CALML4: variants seen among roughly 807,000 people sequenced by gnomAD.
CALML4 encodes the protein calmodulin-like protein 4.
Under a neutral mutation model 17.9 loss-of-function variants are expected in CALML4, and 16 were observed. The observed-to-expected ratio is 0.89, with a 90% CI of 0.61 to 1.36. The LOEUF is 1.36. Ranked by LOEUF, CALML4 falls within the 40% of genes most tolerant of loss-of-function variation. The pLI, the probability that CALML4 is intolerant of heterozygous loss-of-function variation, is 0.00. For synonymous variants in CALML4, 86 were observed against 71.5 expected (o/e 1.20, Z -1.02); for missense variants, 203 against 194.8 (o/e 1.04, Z -0.25).
At chr15:68,195,377 T>C (rs2093139832) in intron 4 of CALML4, among the ~76,000 whole-genome samples, 1 of 152,246 alleles carries the variant, frequency 6.6e-6, no homozygotes, top group South Asian at 2.1e-4. Flanking sequence ...ATTGGGAGAA[T>C]GTTGAGGACA....
At chr15:68,203,182 T>A (rs1352829885) in intron 2 of CALML4, among the ~76,000 whole-genome samples, 1 of 152,166 alleles carries the variant, frequency 6.6e-6, no homozygotes, top group African/African-American at 2.4e-5. Context: ...ACCCCTGACA[T>A]CAGGTGATCC....
At chr15:68,205,414 C>T, upstream of CALML4, 1 of 1,612,126 alleles carries the variant, frequency 6.2e-7, no homozygotes, top group Non-Finnish European at 8.5e-7. The surrounding 1 kb of genome is among the most constrained non-coding windows in gnomAD (Gnocchi z 4.8). Context: ...CAGATTCCAG[C>T]TTCCTGAGCA....
chr15:68,191,388 A>G lies in CALML4; in HGVS notation c.*2627T>C, dbSNP rs1348937071. On this transcript the variant is annotated 3_prime_UTR_variant, in exon 5 of 5. Coordinates refer to ENST00000467889, the MANE Select transcript of CALML4 (RefSeq NM_033429.3). ...AAAATATTTATTACATGCATTGGAA[A>G]AAAATTGTTTACCTATTGAATGTTA... The G allele has an allele frequency of 1.3e-5, 2 of 152,678 alleles. No homozygotes were observed. The highest frequency in any genetic ancestry group is 2.9e-5 in the Non-Finnish European group (2 of 68,048). The allele number at this position is 152,678 out of a possible 1,614,324, so 9.5% of individuals were successfully genotyped here.
In CALML4 at chr15:68,200,088, AG is replaced by A. The variant is rs1379209316; in HGVS notation, c.35-408del. On this transcript the variant is annotated intron_variant, in intron 2 of 4. Coordinates refer to ENST00000467889, the MANE Select transcript of CALML4 (RefSeq NM_033429.3). The surrounding 1 kb of genome is among the most constrained non-coding windows in gnomAD (Gnocchi z 4.3). ...GGAACTCCCAGGACAGTGCCCCTCC[AG>A]GGCCCACAGGGGAGAGCAGGAACCC... 3 of 151,320 alleles carry A rather than the reference AG, an allele frequency of 2.0e-5. No homozygotes were observed. The highest frequency in any genetic ancestry group is 7.5e-5 in the African/African-American group (3 of 40,254). 9.4% of individuals were successfully genotyped at this position (151,320 alleles called of 1,614,324 possible).
chr15:68,196,698 C>T (rs1377316095), intron 4 of CALML4, among the ~76,000 whole-genome samples: 3 of 152,122 alleles, frequency 2.0e-5, no homozygotes, highest in East Asian at 1.9e-4. Flanking sequence ...ATGGCCTTGG[C>T]GTGGGGATCC....
Position 68,200,274 on chromosome 15 carries a change from G to A in CALML4, c.35-593C>T, listed in dbSNP as rs1335241234. ...GATATTATCATCATCATCAGAGCTG[G>A]GGCATTTCTGAGCCTATTGCCCCTG... is the stretch of plus-strand genomic sequence containing the variant. On this transcript the variant is annotated intron_variant, in intron 2 of 4. Transcript: ENST00000467889. The surrounding 1 kb of genome is among the most constrained non-coding windows in gnomAD (Gnocchi z 4.3). Among the ~76,000 whole-genome samples, 1 of 152,182 alleles carries A rather than the reference G, an allele frequency of 6.6e-6. No homozygotes were observed. The highest frequency in any genetic ancestry group is 1.5e-5 in the Non-Finnish European group (1 of 68,032).
Position 68,194,121 on chromosome 15 carries a change from A to C in CALML4, c.365-9T>G, listed in dbSNP as rs1196277579. 1 of 1,604,372 alleles carries C rather than the reference A, an allele frequency of 6.2e-7. No homozygotes were observed. The highest frequency in any genetic ancestry group is 1.3e-5 in the African/African-American group (1 of 74,666). On this transcript the variant is annotated splice_polypyrimidine_tract_variant and intron_variant, in intron 4 of 4. Transcript: ENST00000467889. Reference sequence around the variant, plus strand: ...CCTGAAGAGATCATCCACTGCAATAAATCACATTTAATTTTTCAGTTTGGC... The same window carrying C: ...CCTGAAGAGATCATCCACTGCAATACATCACATTTAATTTTTCAGTTTGGC...
Position 68,197,026 on chromosome 15 carries a change from C to T in CALML4, c.364+414G>A, listed in dbSNP as rs147079249. Among the ~76,000 whole-genome samples, 5 of 152,286 alleles carry T rather than the reference C, an allele frequency of 3.3e-5. No homozygotes were observed. Among genetic ancestry groups the T allele is most frequent in the African/African-American group, 1.2e-4 (5 of 41,572 alleles). On this transcript the variant is annotated intron_variant, in intron 4 of 4. Transcript: ENST00000467889. The surrounding 1 kb of genome is among the most constrained non-coding windows in gnomAD (Gnocchi z 4.1). ...GGGCAGGGATGTCTAGACCTGCCTTCGCTCCTGCGCCGCTGCTTGGGAGCC... is the reference window on the plus strand; with the variant it reads ...GGGCAGGGATGTCTAGACCTGCCTTTGCTCCTGCGCCGCTGCTTGGGAGCC...
upstream of CALML4, chr15:68,205,343 G>A: frequency 6.2e-7 from 1 of 1,614,088 alleles, no homozygotes; most frequent in Non-Finnish European, 8.5e-7. This position sits in a 1 kb window ranked among gnomAD's most constrained non-coding sequence, Gnocchi z 4.8. Flanking sequence ...GCCAAGCTGG[G>A]TGGAGGCCCG....
intron 4 of CALML4, among the ~76,000 whole-genome samples, chr15:68,194,670 C>T (rs1356786138): frequency 6.6e-6 from 1 of 152,136 alleles, no homozygotes; most frequent in Non-Finnish European, 1.5e-5. Flanking sequence ...AGGCATGAGC[C>T]ACTGTGCCCG....
Position 68,199,591 on chromosome 15 carries a change from G to GC in CALML4, c.124dup (p.Ala42GlyfsTer83), listed in dbSNP as rs751819443. On this transcript the variant is annotated frameshift_variant, in exon 3 of 5. Transcript: ENST00000467889. LOFTEE classifies it high-confidence loss of function. ...CTGCACCTCCCCTGGCGTCGGGCTG[G>GC]CCCCCAGGCACCTCATGGCCACCAT... 1 of 1,613,614 alleles carries GC rather than the reference G, an allele frequency of 6.2e-7. No individual in the cohort carries two copies. The highest frequency in any genetic ancestry group is 1.7e-5 in the Admixed American group (1 of 59,974).
chr15:68,194,738 T>C (rs1293366703), intron 4 of CALML4, among the ~76,000 whole-genome samples: 1 of 152,080 alleles, frequency 6.6e-6, no homozygotes, highest in East Asian at 1.9e-4. Flanking sequence ...TGTGCCCATA[T>C]TTCTAGAATC....
At position 68,200,189 on chromosome 15, in the gene CALML4, A is replaced by G. The variant is rs1179769607; in HGVS notation, c.35-508T>C. Among the ~76,000 whole-genome samples the G allele has an allele frequency of 6.6e-6, 1 of 152,230 alleles. No individual in the cohort carries two copies. The highest frequency in any genetic ancestry group is 1.5e-5 in the Non-Finnish European group (1 of 68,038). On this transcript the variant is annotated intron_variant, in intron 2 of 4. Transcript: ENST00000467889. This position sits in a 1 kb window ranked among gnomAD's most constrained non-coding sequence, Gnocchi z 4.3. ...TGGACAATGGGAATAATAAGGCCTC[A>G]GGATTACTGTGAGAGCCAGAAATCC... is the stretch of plus-strand genomic sequence containing the variant.
rs577566399 is a variant in CALML4, at chr15:68,200,448, C to T, written c.35-767G>A. On this transcript the variant is annotated intron_variant, in intron 2 of 4. Coordinates refer to ENST00000467889, the MANE Select transcript of CALML4 (RefSeq NM_033429.3). This position sits in a 1 kb window ranked among gnomAD's most constrained non-coding sequence, Gnocchi z 4.3. ...GTACTTGGTGGAGGTGGAAGGCAGC[C>T]GGAGCTAGCTCCCCTAAACCCACAG... is the stretch of plus-strand genomic sequence containing the variant. 3.5e-4 allele frequency among the ~76,000 whole-genome samples: 54 copies of T among 152,330 alleles called. No individual in the cohort carries two copies. In the South Asian group the frequency reaches 0.01, roughly 29 times the overall value.
Position 68,197,343 on chromosome 15 carries a change from G to T in CALML4, c.364+97C>A. On this transcript the variant is annotated intron_variant, in intron 4 of 4. Transcript: ENST00000467889. This position sits in a 1 kb window ranked among gnomAD's most constrained non-coding sequence, Gnocchi z 4.1. ...TCCTGCGCGCGCATCAACAGAGGTG[G>T]TCTGTACCACCCTGGTGGCATCAGC... 8.2e-7 allele frequency: 1 copy of T among 1,221,436 alleles called. No individual in the cohort carries two copies. The allele number at this position is 1,221,436 out of a possible 1,614,324, so 75.7% of individuals were successfully genotyped here.
intron 4 of CALML4, among the ~76,000 whole-genome samples, chr15:68,195,354 G>A (rs10518759): frequency 0.048 from 7,336 of 152,266 alleles, 251 homozygotes; most frequent in South Asian, 0.074. Flanking sequence ...GCTGATAGTA[G>A]TTCTGAGTAT....
In CALML4 at chr15:68,193,824, T is replaced by C; in HGVS notation, c.*191A>G. The C allele has an allele frequency of 1.8e-6, 1 of 556,108 alleles. No homozygotes were observed. Among genetic ancestry groups the C allele is most frequent in the Non-Finnish European group, 3.2e-6 (1 of 312,028 alleles). 34.4% of individuals were successfully genotyped at this position (556,108 alleles called of 1,614,324 possible). The stretch of plus-strand genomic sequence containing the variant: ...TAGTTAATAAAATCAATACAAATCT[T>C]TTATTAAAGATCTACTCATACCATG... On this transcript the variant is annotated 3_prime_UTR_variant, in exon 5 of 5. Transcript: ENST00000467889.
chr15:68,203,376 T>A (rs1389613909), intron 2 of CALML4, among the ~76,000 whole-genome samples: 1 of 152,256 alleles, frequency 6.6e-6, no homozygotes, highest in Non-Finnish European at 1.5e-5. Flanking sequence ...TTAAACCTGA[T>A]GTGATCTACT....
At chr15:68,205,390 G>A (rs373381359), upstream of CALML4, 53 of 1,613,326 alleles carry the variant, frequency 3.3e-5, no homozygotes, top group East Asian at 3.3e-4. This position sits in a 1 kb window ranked among gnomAD's most constrained non-coding sequence, Gnocchi z 4.8. Flanking sequence ...GACTGGGCCC[G>A]ACGCCACCAG....
Sources: allele counts gnomAD v4.1 joint callset (sites outside exome capture counted in the v4.1 genomes callset), GRCh38; gene constraint gnomAD v4.1.1; non-coding constraint Gnocchi (gnomAD v3.1); transcripts MANE v1.5; gene names NCBI Gene and HGNC (gene_info 2026-07-23, HGNC 2026-07-21).